POLN: variants seen among roughly 807,000 people sequenced by gnomAD.
POLN encodes DNA polymerase nu.
A neutral mutation model predicts 113.5 loss-of-function variants in POLN; 108 were observed. That is an observed-to-expected ratio of 0.95 (90% confidence interval 0.81 to 1.12). POLN has a LOEUF of 1.12. POLN is among the 50% of genes most tolerant of loss of function. POLN has a pLI of 0.00. For missense variants in POLN, 1,097 were observed against 1,077.1 expected (o/e 1.02, Z -0.26); for synonymous variants, 386 against 391.5 (o/e 0.99, Z 0.17).
At chr4:2,182,428 G>A (rs1733166553) in intron 7 of POLN, among the ~76,000 whole-genome samples, 1 of 152,184 alleles carries the variant, frequency 6.6e-6, no homozygotes, top group African/African-American at 2.4e-5. Context: ...GGAGGGATGT[G>A]TCTACAAGTC....
At chr4:2,163,944 C>T (rs419975) in intron 13 of POLN, among the ~76,000 whole-genome samples, 243 of 152,316 alleles carry the variant, frequency 1.6e-3, no homozygotes, top group Non-Finnish European at 2.8e-3. Context: ...ACTGGACCTC[C>T]CCCTCCATAA....
At chr4:2,142,429 A>G (rs1216185234) in intron 16 of POLN, among the ~76,000 whole-genome samples, 3 of 152,252 alleles carry the variant, frequency 2.0e-5, no homozygotes, top group African/African-American at 7.2e-5. Flanking sequence ...AAAGCTGCCA[A>G]TAAGGAGACT....
intron 20 of POLN, among the ~76,000 whole-genome samples, chr4:2,091,895 A>C (rs549140078): frequency 6.6e-6 from 1 of 152,228 alleles, no homozygotes; most frequent in East Asian, 1.9e-4. Flanking sequence ...TATTGCTAAC[A>C]GGCTTTCACT....
intron 7 of POLN, among the ~76,000 whole-genome samples, chr4:2,190,999 T>G (rs1733426751): frequency 6.6e-6 from 1 of 152,176 alleles, no homozygotes; most frequent in Non-Finnish European, 1.5e-5. Context: ...TACCATATGA[T>G]CCAGCAATCC....
chr4:2,236,155 A>T, intron 2 of POLN: 2 of 849,338 alleles, frequency 2.4e-6, no homozygotes, highest in Non-Finnish European at 3.7e-6. Flanking sequence ...CCTCATGTTA[A>T]CATTTTCTTT....
intron 19 of POLN, among the ~76,000 whole-genome samples, chr4:2,119,826 T>C (rs777908764): frequency 8.5e-5 from 13 of 152,208 alleles, no homozygotes; most frequent in African/African-American, 1.2e-4. Context: ...GTCACGAATG[T>C]TGGATTACTA....
Position 2,193,317 on chromosome 4 carries a change from C to T in POLN, c.909-1G>A. The stretch of plus-strand genomic sequence containing the variant: ...TTTCATTGTTTGAAATAGCACGTTC[C>T]TAGAAGATGAAAAGAAATTCACTGA... On this transcript the variant is annotated splice_acceptor_variant, in intron 6 of 25. Transcript: ENST00000511885. LOFTEE classifies it high-confidence loss of function. 1 of 1,562,104 alleles carries T rather than the reference C, an allele frequency of 6.4e-7. No individual in the cohort carries two copies. The highest frequency in any genetic ancestry group is 8.7e-7 in the Non-Finnish European group (1 of 1,151,194).
At chr4:2,081,074 A>G in intron 22 of POLN, 38 bp from the exon 23 acceptor site, 2 of 1,612,902 alleles carry the variant, frequency 1.2e-6, no homozygotes, top group Non-Finnish European at 1.7e-6. Flanking sequence ...GTCCCATGGC[A>G]CACGGTTCAT....
intron 23 of POLN, chr4:2,080,655 G>C: frequency 7.7e-7 from 1 of 1,301,266 alleles, no homozygotes; most frequent in Non-Finnish European, 9.9e-7. Flanking sequence ...GCCTGCCTCT[G>C]GGGTGGGCAG....
intron 13 of POLN, among the ~76,000 whole-genome samples, chr4:2,169,140 C>T (rs986226313): frequency 3.3e-5 from 5 of 152,144 alleles, no homozygotes; most frequent in Non-Finnish European, 5.9e-5. Context: ...GCTCAGCAGG[C>T]GCTGGAGTGG....
At chr4:2,167,015 A>G (rs1486781953) in intron 13 of POLN, among the ~76,000 whole-genome samples, 1 of 152,222 alleles carries the variant, frequency 6.6e-6, no homozygotes, top group Non-Finnish European at 1.5e-5. Context: ...TCGCTGGAAT[A>G]GATATTCCAT....
intron 16 of POLN, among the ~76,000 whole-genome samples, chr4:2,136,286 C>T (rs1315349770): frequency 6.6e-6 from 1 of 152,218 alleles, no homozygotes; most frequent in African/African-American, 2.4e-5. Flanking sequence ...CTAGGGTATA[C>T]AGTTTTCTGC....
chr4:2,186,178 GT>G (rs1733267650), intron 7 of POLN, among the ~76,000 whole-genome samples: 1 of 152,178 alleles, frequency 6.6e-6, no homozygotes, highest in Non-Finnish European at 1.5e-5. Context: ...ACTGAAAAAA[GT>G]GAGACTGAGG....
intron 17 of POLN, among the ~76,000 whole-genome samples, chr4:2,130,620 A>C (rs1481804287): frequency 1.3e-5 from 2 of 152,176 alleles, no homozygotes; most frequent in Middle Eastern, 3.2e-3. Context: ...GTAATGTTCA[A>C]ACTTTAATAA....
chr4:2,183,026 T>C (rs1733182520), intron 7 of POLN, among the ~76,000 whole-genome samples: 2 of 152,098 alleles, frequency 1.3e-5, no homozygotes, highest in South Asian at 2.1e-4. Context: ...CAAAAAAAGA[T>C]ATAAAAGTGG....
chr4:2,096,509 C>T (rs1443025516), intron 19 of POLN, among the ~76,000 whole-genome samples: 2 of 152,080 alleles, frequency 1.3e-5, no homozygotes, highest in African/African-American at 2.4e-5. Flanking sequence ...CACAGGAGCT[C>T]CAGAGCACTC....
rs772571466 is a variant in POLN at position 2,193,243 on chromosome 4, C to T, written c.982G>A (p.Val328Met). Residue 328 changes from valine to methionine, a missense_variant, in exon 7 of 26, where the codon GTG becomes ATG. Val to Met is a conservative substitution (Grantham distance 21, BLOSUM62 1). Coordinates refer to ENST00000511885, the MANE Select transcript of POLN (RefSeq NM_181808.4). ...CFNAKDFVRI[V>M]LQFFGNDGSW... is the part of the protein sequence containing the mutation. ...CCATCATTGCCAAAAAACTGCAGCA[C>T]TATTCTCACAAAATCCTTAGCATTA... 1.6e-5 allele frequency: 25 copies of T among 1,610,642 alleles called. No homozygotes were observed. Among genetic ancestry groups the T allele is most frequent in the Non-Finnish European group, 2.0e-5 (23 of 1,178,504 alleles).
At chr4:2,084,647 A>G (rs1056794831) in intron 21 of POLN, among the ~76,000 whole-genome samples, 4 of 152,236 alleles carry the variant, frequency 2.6e-5, no homozygotes, top group African/African-American at 9.6e-5. Context: ...TGGGCCCCAG[A>G]GTGAAAAGTC....
At chr4:2,227,322 T>C (rs1734423378) in intron 3 of POLN, 1 of 152,152 alleles carries the variant, frequency 6.6e-6, no homozygotes, top group Non-Finnish European at 1.5e-5. Flanking sequence ...TCAACAACCA[T>C]GTGAGCTTAG....
Sources: allele counts gnomAD v4.1 joint callset (sites outside exome capture counted in the v4.1 genomes callset), GRCh38; gene constraint gnomAD v4.1.1; transcripts MANE v1.5; gene names NCBI Gene and HGNC (gene_info 2026-07-23, HGNC 2026-07-21).